ETFB: variants seen among roughly 807,000 people sequenced by gnomAD.
ETFB encodes beta-ETF.
Under a neutral mutation model 25.6 loss-of-function variants are expected in ETFB, and 20 were observed. The observed-to-expected ratio is 0.78, with a 90% CI of 0.55 to 1.14. The LOEUF is 1.14. ETFB is among the 50% of genes most tolerant of loss of function. The pLI is 0.00. For missense variants in ETFB, 286 were observed against 342.6 expected (o/e 0.83, Z 1.30); for synonymous variants, 142 against 146.7 (o/e 0.97, Z 0.23).
At chr19:51,357,490 CTTT>C (rs59847031) in intron 1 of ETFB, among the ~76,000 whole-genome samples, 1 of 109,164 alleles carries the variant, frequency 9.2e-6, no homozygotes, top group Non-Finnish European at 1.7e-5. Flanking sequence ...TTCTTTCTTT[CTTT>C]TTTTTTTTTT....
At chr19:51,349,316 T>G (rs1985871493) in intron 4 of ETFB, among the ~76,000 whole-genome samples, 1 of 152,216 alleles carries the variant, frequency 6.6e-6, no homozygotes, top group Non-Finnish European at 1.5e-5. Flanking sequence ...TATCTTAATA[T>G]TTTTATGTTG....
intron 1 of ETFB, among the ~76,000 whole-genome samples, chr19:51,357,388 T>G (rs1384729766): frequency 2.0e-5 from 3 of 150,812 alleles, no homozygotes; most frequent in Non-Finnish European, 3.0e-5. Flanking sequence ...AAGACCCTGT[T>G]TCTAAGTGAT....
At chr19:51,345,561 C>A in intron 5 of ETFB, 180 bp from the exon 6 acceptor site, 1 of 670,998 alleles carries the variant, frequency 1.5e-6, no homozygotes, top group South Asian at 1.7e-5. Context: ...ACAACTCCTG[C>A]TGGCTAGGAG....
intron 5 of ETFB, chr19:51,345,749 C>A (rs551788263): frequency 2.2e-5 from 8 of 370,096 alleles, no homozygotes; most frequent in Admixed American, 7.5e-5. Context: ...CTGAACCCTC[C>A]CTATAGACTG....
At position 51,354,140 on chromosome 19, in the gene ETFB, C is replaced by A; in HGVS notation, c.216+10G>T. 1 of 1,613,612 alleles carries A rather than the reference C, an allele frequency of 6.2e-7. No individual in the cohort carries two copies. Among genetic ancestry groups the A allele is most frequent in the Non-Finnish European group, 8.5e-7 (1 of 1,179,886 alleles). On this transcript the variant is annotated intron_variant, in intron 2 of 5. Transcript: ENST00000309244. ...CAGGAGTCCAGCCCCCTCCCCAAGA[C>A]CTTCATCACCTGGCACTGTGCAGGC... is the stretch of plus-strand genomic sequence containing the variant.
intron 1 of ETFB, among the ~76,000 whole-genome samples, chr19:51,359,175 C>T (rs2123603093): frequency 6.6e-6 from 1 of 151,846 alleles, no homozygotes; most frequent in South Asian, 2.1e-4. Flanking sequence ...CTTCAGCCTC[C>T]CCAGTAGCTG....
intron 4 of ETFB, among the ~76,000 whole-genome samples, chr19:51,349,398 T>G (rs2123578074): frequency 6.6e-6 from 1 of 152,222 alleles, no homozygotes; most frequent in Non-Finnish European, 1.5e-5. Flanking sequence ...TTCTTTTTAC[T>G]TTTTTATGTA....
chr19:51,353,197 C>T lies in ETFB; in HGVS notation c.310G>A (p.Val104Met), dbSNP rs1985971498. 1 of 1,614,166 alleles carries T rather than the reference C, an allele frequency of 6.2e-7. No homozygotes were observed. The highest frequency in any genetic ancestry group is 8.5e-7 in the Non-Finnish European group (1 of 1,180,028). The change falls in exon 3 of 6, where the codon GTG becomes ATG. Residue 104 changes from valine (V) to methionine (M), a missense_variant. By Grantham distance (21) the Val-to-Met change is conservative. Coordinates refer to ENST00000309244, the MANE Select transcript of ETFB (RefSeq NM_001985.3). ...AEAERLGPLQ[V>M]ARVLAKLAEK... ...GCCAGCTTGGCCAGGACCCGAGCCA[C>T]CTGCAGGGGACCCAAGCGTTCTGCT...
chr19:51,345,594 C>G, intron 5 of ETFB: 1 of 603,348 alleles, frequency 1.7e-6, no homozygotes, highest in Non-Finnish European at 3.0e-6. Flanking sequence ...CCAACTACTG[C>G]AGCAGTCCTC....
chr19:51,361,136 G>C (rs1429071707), intron 1 of ETFB, among the ~76,000 whole-genome samples: 2 of 151,908 alleles, frequency 1.3e-5, no homozygotes, highest in African/African-American at 4.8e-5. Context: ...TCGTCATGTT[G>C]GCCAGGCTGG....
intron 4 of ETFB, chr19:51,347,281 A>G: frequency 1.8e-6 from 1 of 564,868 alleles, no homozygotes. Flanking sequence ...CCATGTCCTG[A>G]TGCTGCCAGT....
intron 1 of ETFB, among the ~76,000 whole-genome samples, chr19:51,360,784 CTCTCTT>C (rs1986204106): frequency 6.6e-6 from 1 of 150,640 alleles, no homozygotes; most frequent in Non-Finnish European, 1.5e-5. Context: ...CTCTCTCTCT[CTCTCTT>C]TCTCTTTCTT....
chr19:51,361,088 G>A lies in ETFB; in HGVS notation c.57+5182C>T, dbSNP rs79306832. ...GTGTGGGCCACCGCGCCCGGCCCAC[G>A]CCTGGCTAATTTTTTTATTTTTAGT... On this transcript the variant is annotated intron_variant, in intron 1 of 5. Coordinates refer to ENST00000309244, the MANE Select transcript of ETFB (RefSeq NM_001985.3). Among the ~76,000 whole-genome samples the A allele has an allele frequency of 6.0e-3, 915 of 152,166 alleles. 9 individuals carry two copies. Among genetic ancestry groups the A allele is most frequent in the African/African-American group, 0.021 (887 of 41,502 alleles).
chr19:51,366,387 C>T lies in ETFB; in HGVS notation c.-61G>A. The T allele has an allele frequency of 6.7e-7, 1 of 1,497,100 alleles. No individual in the cohort carries two copies. Among genetic ancestry groups the T allele is most frequent in the Non-Finnish European group, 9.1e-7 (1 of 1,096,932 alleles). 92.7% of individuals were successfully genotyped at this position (1,497,100 alleles called of 1,614,324 possible). On this transcript the variant is annotated 5_prime_UTR_variant, in exon 1 of 6. Transcript: ENST00000309244. ...CCCTCAGCGGCTCAGTCCAGAAGCC[C>T]CACCACCCCCGCCCCCCGCGCCCCT...
At chr19:51,351,539 T>C (rs1198093538) in intron 3 of ETFB, among the ~76,000 whole-genome samples, 3 of 152,200 alleles carry the variant, frequency 2.0e-5, no homozygotes, top group African/African-American at 7.2e-5. Flanking sequence ...CCAGGACAGG[T>C]AGGACATCGG....
At chr19:51,348,598 TA>T (rs745473870) in intron 4 of ETFB, 1 of 151,946 alleles carries the variant, frequency 6.6e-6, no homozygotes, top group East Asian at 1.9e-4. Context: ...TCTATCTAAA[TA>T]AAAGAGTTTA....
intron 1 of ETFB, 56 bp from the exon 2 acceptor site, chr19:51,354,364 G>T: frequency 6.2e-7 from 1 of 1,614,168 alleles, no homozygotes; most frequent in East Asian, 2.2e-5. Context: ...AGAAGGTGGG[G>T]GCCTCAGCGC....
chr19:51,361,098 T>C (rs919070694), intron 1 of ETFB, among the ~76,000 whole-genome samples: 1 of 151,834 alleles, frequency 6.6e-6, no homozygotes, highest in Non-Finnish European at 1.5e-5. Context: ...GCCTGGCTAA[T>C]TTTTTTATTT....
In ETFB at chr19:51,366,274, A is replaced by G. The variant is rs1428028565; in HGVS notation, c.53T>C (p.Val18Ala). The change falls in exon 1 of 6, where the codon GTG becomes GCG. Residue 18 changes from valine (V) to alanine (A), a missense_variant. By Grantham distance (64) the Val-to-Ala change is moderately conservative (BLOSUM62 0). Transcript: ENST00000309244. Reference protein sequence around the residue: ...VAVKRVIDYAVKIRVKPDRTG... With the variant: ...VAVKRVIDYAAKIRVKPDRTG... ...GGGAGAGGGGGGCCCGATCACCTTC[A>G]CGGCGTAGTCGATGACCCTCTTGAC... is the stretch of plus-strand genomic sequence containing the variant. The G allele has an allele frequency of 6.2e-7, 1 of 1,613,778 alleles. No individual in the cohort carries two copies. Among genetic ancestry groups the G allele is most frequent in the Non-Finnish European group, 8.5e-7 (1 of 1,179,948 alleles).
Sources: allele counts gnomAD v4.1 joint callset (sites outside exome capture counted in the v4.1 genomes callset), GRCh38; gene constraint gnomAD v4.1.1; transcripts MANE v1.5; gene names NCBI Gene and HGNC (gene_info 2026-07-23, HGNC 2026-07-21).